OPCML: variants seen among roughly 807,000 people sequenced by gnomAD.
OPCML encodes the protein opioid-binding protein/cell adhesion molecule.
A neutral mutation model predicts 37.8 loss-of-function variants in OPCML; 13 were observed. The ratio of observed to expected loss-of-function variants is 0.34; its 90% CI spans 0.22 to 0.55. OPCML has a LOEUF of 0.55. Ranked by LOEUF, OPCML falls within the 20% of genes least tolerant of loss-of-function variation. The pLI, the probability that OPCML is intolerant of heterozygous loss-of-function variation, is 0.91. For synonymous variants in OPCML, 176 were observed against 168.8 expected (o/e 1.04, Z -0.33); for missense variants, 341 against 435.6 (o/e 0.78, Z 1.93).
intron 1 of OPCML, among the ~76,000 whole-genome samples, chr11:133,333,061 G>C (rs1431180911): frequency 2.0e-5 from 3 of 152,106 alleles, no homozygotes; most frequent in East Asian, 3.9e-4. Flanking sequence ...AGTAGTAGTA[G>C]TAGTAGTAGT....
intron 1 of OPCML, among the ~76,000 whole-genome samples, chr11:133,442,852 A>C (rs1465819305): frequency 6.6e-6 from 1 of 152,088 alleles, no homozygotes; most frequent in Non-Finnish European, 1.5e-5. Context: ...AGGAAGACAC[A>C]CAGCAAACTG....
chr11:132,880,249 T>G (rs1014341183), intron 2 of OPCML, among the ~76,000 whole-genome samples: 4 of 152,198 alleles, frequency 2.6e-5, no homozygotes, highest in Non-Finnish European at 5.9e-5. Flanking sequence ...AATTAAAATC[T>G]ACACACTCAC....
At chr11:133,098,594 C>G (rs1024833773) in intron 1 of OPCML, among the ~76,000 whole-genome samples, 4 of 152,220 alleles carry the variant, frequency 2.6e-5, no homozygotes, top group Admixed American at 6.5e-5. Context: ...ACAATCATAT[C>G]AATAGATGCA....
intron 1 of OPCML, among the ~76,000 whole-genome samples, chr11:133,082,040 C>T (rs1244266769): frequency 2.0e-5 from 3 of 152,054 alleles, no homozygotes; most frequent in South Asian, 2.1e-4. Flanking sequence ...CCTTCTAGCG[C>T]GCGTTCTTTA....
At chr11:132,700,335 C>T (rs1189254578) in intron 2 of OPCML, among the ~76,000 whole-genome samples, 5 of 151,648 alleles carry the variant, frequency 3.3e-5, no homozygotes, top group African/African-American at 1.2e-4. Context: ...TAATTTTGGG[C>T]TTTGTTTGAT....
rs553496202 is a variant in OPCML, at chr11:132,793,428, A to G, written c.147-136109T>C. On this transcript the variant is annotated intron_variant, in intron 2 of 7. Coordinates refer to ENST00000524381, the MANE Select transcript of OPCML (RefSeq NM_001012393.5). Reference sequence around the variant, plus strand: ...CTCACCAAATATTAAAAGCGGTTGCAGGGCAGGAACCTCTTAAGGCCTCTG... The same window carrying G: ...CTCACCAAATATTAAAAGCGGTTGCGGGGCAGGAACCTCTTAAGGCCTCTG... 3.6e-4 allele frequency among the ~76,000 whole-genome samples: 55 copies of G among 152,316 alleles called. 1 individual carries two copies. In the South Asian group the frequency reaches 0.011, roughly 30 times the overall value.
At chr11:132,433,208 G>A (rs2136715915) in intron 7 of OPCML, among the ~76,000 whole-genome samples, 1 of 152,258 alleles carries the variant, frequency 6.6e-6, no homozygotes, top group Non-Finnish European at 1.5e-5. Context: ...CGATAGCATG[G>A]GCCATGTCAC....
intron 2 of OPCML, among the ~76,000 whole-genome samples, chr11:132,746,692 G>A (rs2917578): frequency 0.75 from 114,639 of 152,176 alleles, 43,784 homozygotes; most frequent in East Asian, 0.94. Context: ...GGTCCTACAG[G>A]ACCTCCTCTG....
intron 1 of OPCML, among the ~76,000 whole-genome samples, chr11:133,304,780 C>T (rs1565560755): frequency 6.6e-6 from 1 of 152,298 alleles, no homozygotes; most frequent in Middle Eastern, 3.4e-3. Flanking sequence ...TATCTTGGCC[C>T]ACATACCTTA....
intron 1 of OPCML, among the ~76,000 whole-genome samples, chr11:133,240,644 C>T (rs1222662229): frequency 6.6e-6 from 1 of 152,210 alleles, no homozygotes; most frequent in African/African-American, 2.4e-5. Flanking sequence ...TAAACACTGA[C>T]CTTGCCCCAT....
chr11:132,872,446 G>A (rs1942840452), intron 2 of OPCML, among the ~76,000 whole-genome samples: 1 of 152,100 alleles, frequency 6.6e-6, no homozygotes, highest in Non-Finnish European at 1.5e-5. Flanking sequence ...CCTGGTGAGT[G>A]TGCAGGCGAC....
At chr11:132,585,714 T>G (rs1174529531) in intron 3 of OPCML, among the ~76,000 whole-genome samples, 1 of 152,216 alleles carries the variant, frequency 6.6e-6, no homozygotes, top group Admixed American at 6.5e-5. Context: ...GAGTTCTGCT[T>G]AATTTGTACA....
chr11:132,601,556 G>T (rs778244092), intron 3 of OPCML, among the ~76,000 whole-genome samples: 34 of 152,096 alleles, frequency 2.2e-4, no homozygotes, highest in Non-Finnish European at 4.0e-4. Context: ...TTCATTCCAA[G>T]AAGATAATTA....
At chr11:133,042,739 G>A (rs895794874) in intron 1 of OPCML, among the ~76,000 whole-genome samples, 5 of 152,228 alleles carry the variant, frequency 3.3e-5, no homozygotes, top group East Asian at 3.9e-4. Context: ...AAACGTTATC[G>A]GAGGGTGCCT....
intron 2 of OPCML, among the ~76,000 whole-genome samples, chr11:132,890,113 T>G (rs1461098514): frequency 6.6e-6 from 1 of 152,190 alleles, no homozygotes. Context: ...TATGCCTTCT[T>G]CCTTTTATAA....
intron 2 of OPCML, among the ~76,000 whole-genome samples, chr11:132,739,462 C>G (rs374402611): frequency 1.3e-5 from 2 of 152,186 alleles, no homozygotes; most frequent in East Asian, 3.9e-4. Flanking sequence ...ACTTTGTAAA[C>G]AGCTGTGATG....
At chr11:133,282,943 C>T (rs1269323488) in intron 1 of OPCML, among the ~76,000 whole-genome samples, 1 of 152,186 alleles carries the variant, frequency 6.6e-6, no homozygotes, top group Non-Finnish European at 1.5e-5. Flanking sequence ...GGAACAGGAA[C>T]ATTTACCCAA....
intron 1 of OPCML, among the ~76,000 whole-genome samples, chr11:133,501,841 G>T (rs2120545521): frequency 6.6e-6 from 1 of 152,120 alleles, no homozygotes; most frequent in Middle Eastern, 3.4e-3. Flanking sequence ...CACCAGTCCG[G>T]GCTCCTCACT....
intron 2 of OPCML, among the ~76,000 whole-genome samples, chr11:132,674,814 C>A (rs577259444): frequency 6.6e-6 from 1 of 152,066 alleles, no homozygotes; most frequent in African/African-American, 2.4e-5. Context: ...TTGCAATATC[C>A]CTCTCTAAGG....
Sources: gnomAD v4.1 joint callset for allele counts (sites outside exome capture counted in the v4.1 genomes callset) on GRCh38, gnomAD v4.1.1 for gene constraint, MANE v1.5 for transcripts, NCBI Gene and HGNC (gene_info 2026-07-23, HGNC 2026-07-21) for gene names.